NRXN1: variants seen among roughly 807,000 people sequenced by gnomAD.
NRXN1 encodes the protein neurexin-1.
A neutral mutation model predicts 150.9 loss-of-function variants in NRXN1; 39 were observed. That is an observed-to-expected ratio of 0.26 (90% CI 0.20 to 0.34). The LOEUF is 0.34. NRXN1 is among the 10% of genes least tolerant of loss of function. The probability of loss-of-function intolerance (pLI) is 1.00; values close to 1 mark genes in which losing one functional copy is unlikely to be tolerated. For missense variants in NRXN1, 1,815 were observed against 1,949.9 expected, an observed-to-expected ratio of 0.93 and a Z score of 1.30; for synonymous variants, 924 against 757.0, an observed-to-expected ratio of 1.22 and a Z score of -3.62.
chr2:50,604,052 C>T (rs1676706783), intron 8 of NRXN1, among the ~76,000 whole-genome samples: 1 of 151,556 alleles, frequency 6.6e-6, no homozygotes, highest in Non-Finnish European at 1.5e-5. Flanking sequence ...TGTAAAAAGT[C>T]ACCTTAATTC....
At chr2:50,388,949 G>C (rs1470948147) in intron 17 of NRXN1, among the ~76,000 whole-genome samples, 1 of 152,026 alleles carries the variant, frequency 6.6e-6, no homozygotes, top group African/African-American at 2.4e-5. Context: ...AACACATCTT[G>C]TGGCGTTAGC....
intron 17 of NRXN1, among the ~76,000 whole-genome samples, chr2:50,387,547 A>AT (rs2103764520): frequency 6.6e-6 from 1 of 152,206 alleles, no homozygotes; most frequent in African/African-American, 2.4e-5. Flanking sequence ...TAACCTTTAC[A>AT]TTTTTTATTT....
At chr2:50,332,684 T>C (rs994790711) in intron 17 of NRXN1, among the ~76,000 whole-genome samples, 5 of 152,240 alleles carry the variant, frequency 3.3e-5, no homozygotes, top group African/African-American at 1.2e-4. Context: ...CATTTCAATT[T>C]TCCAATTGCT....
intron 19 of NRXN1, among the ~76,000 whole-genome samples, chr2:50,086,843 AGAGAGAGC>A (rs1191948653): frequency 6.7e-5 from 10 of 150,326 alleles, no homozygotes; most frequent in Non-Finnish European, 1.0e-4. Context: ...AGAGAGAGAG[AGAGAGAGC>A]GAGCCGAAAA....
At chr2:50,179,468 A>G (rs2060562043) in intron 18 of NRXN1, among the ~76,000 whole-genome samples, 1 of 152,132 alleles carries the variant, frequency 6.6e-6, no homozygotes, top group Non-Finnish European at 1.5e-5. Flanking sequence ...CATGCAAACA[A>G]GCAAATTAGA....
In NRXN1 at chr2:51,027,999, C is replaced by A. The variant is rs1189619468; in HGVS notation, c.275G>T (p.Ser92Ile). The change falls in exon 2 of 23, where the codon AGC (serine) becomes ATC (isoleucine). Residue 92 changes from serine to isoleucine, a missense_variant. By Grantham distance (142) the Ser-to-Ile change is moderately radical (BLOSUM62 -2). Transcript: ENST00000401669. Reference sequence around the variant, plus strand: ...AGGCTCAGCGCAGAAGATGGAGAAGCTGAGCTGCAGGCGGCCGCCGCGCGT... The same window carrying A: ...AGGCTCAGCGCAGAAGATGGAGAAGATGAGCTGCAGGCGGCCGCCGCGCGT... ...ILTRGGRLQLSFSIFCAEPAT... is the reference protein window; with the variant it reads ...ILTRGGRLQLIFSIFCAEPAT... 2 of 1,600,456 alleles carry A rather than the reference C, an allele frequency of 1.2e-6. No homozygotes were observed. The highest frequency in any genetic ancestry group is 2.2e-5 in the South Asian group (2 of 90,944).
intron 5 of NRXN1, among the ~76,000 whole-genome samples, chr2:50,686,428 C>T (rs951432160): frequency 8.5e-5 from 13 of 152,130 alleles, no homozygotes; most frequent in South Asian, 2.1e-4. Flanking sequence ...ATATTTTAGA[C>T]AGTTGAAAGG....
At chr2:50,942,473 A>C (rs1689610187) in intron 2 of NRXN1, among the ~76,000 whole-genome samples, 1 of 152,160 alleles carries the variant, frequency 6.6e-6, no homozygotes, top group African/African-American at 2.4e-5. Context: ...AAGCAGCCAC[A>C]GGATCCATAC....
In NRXN1 at chr2:50,332,212, A is replaced by G. The variant is rs146747757; in HGVS notation, c.3365-95242T>C. On this transcript the variant is annotated intron_variant, in intron 17 of 22. Transcript: ENST00000401669. ...TTGAAAATCATACCATGCTAACTGT[A>G]GCTAGCTTTAAAGTAAGTTCTGACT... 3.4e-3 allele frequency among the ~76,000 whole-genome samples: 523 copies of G among 152,302 alleles called. 2 individuals are homozygous for G. Among genetic ancestry groups the G allele is most frequent in the Middle Eastern group, 0.014 (4 of 294 alleles).
intron 19 of NRXN1, among the ~76,000 whole-genome samples, chr2:50,082,434 G>A (rs1698108450): frequency 6.6e-6 from 1 of 152,130 alleles, no homozygotes; most frequent in African/African-American, 2.4e-5. Context: ...GAAATTTTAT[G>A]AAATTTTATG....
At chr2:50,591,961 C>T (rs189442896) in intron 8 of NRXN1, among the ~76,000 whole-genome samples, 4 of 152,204 alleles carry the variant, frequency 2.6e-5, no homozygotes, top group African/African-American at 4.8e-5. Context: ...AAATTTCGAC[C>T]TTGGTTAAGC....
chr2:49,984,141 C>G (rs1011622034), intron 21 of NRXN1, among the ~76,000 whole-genome samples: 1 of 151,728 alleles, frequency 6.6e-6, no homozygotes, highest in South Asian at 2.1e-4. Flanking sequence ...CACTCCAGTG[C>G]GGTCAATAGA....
intron 5 of NRXN1, among the ~76,000 whole-genome samples, chr2:50,725,256 A>T (rs1164275148): frequency 6.6e-6 from 1 of 151,964 alleles, no homozygotes; most frequent in African/African-American, 2.4e-5. Context: ...TCAAAAATAA[A>T]GTTCTGTAAT....
intron 5 of NRXN1, among the ~76,000 whole-genome samples, chr2:50,674,620 G>C (rs1034552214): frequency 6.6e-6 from 1 of 152,086 alleles, no homozygotes; most frequent in African/African-American, 2.4e-5. Flanking sequence ...ACATAGAGAA[G>C]ACGGGTGACA....
At chr2:50,725,658 G>A (rs1278320425) in intron 5 of NRXN1, among the ~76,000 whole-genome samples, 1 of 152,032 alleles carries the variant, frequency 6.6e-6, no homozygotes. Flanking sequence ...TCTTACAACA[G>A]CCAATCTGAG....
chr2:50,101,716 A>G (rs1701001759), intron 18 of NRXN1, among the ~76,000 whole-genome samples: 1 of 152,062 alleles, frequency 6.6e-6, no homozygotes, highest in Non-Finnish European at 1.5e-5. Context: ...GCCATAAGCT[A>G]CATACAGTAA....
intron 18 of NRXN1, among the ~76,000 whole-genome samples, chr2:50,178,717 T>C (rs1319098062): frequency 2.6e-5 from 4 of 152,164 alleles, no homozygotes; most frequent in African/African-American, 7.2e-5. Context: ...ACACCTCATG[T>C]TACATATCAC....
intron 5 of NRXN1, among the ~76,000 whole-genome samples, chr2:50,654,868 T>C (rs987265718): frequency 6.6e-6 from 1 of 151,996 alleles, no homozygotes; most frequent in South Asian, 2.1e-4. Flanking sequence ...ATCTAATCAG[T>C]AGCCAATATA....
chr2:50,820,615 C>A (rs1336815964), intron 5 of NRXN1, among the ~76,000 whole-genome samples: 1 of 152,114 alleles, frequency 6.6e-6, no homozygotes, highest in Non-Finnish European at 1.5e-5. Context: ...TTGCCGTCTG[C>A]CTTTCATCCT....
Sources: gnomAD v4.1 joint callset for allele counts (sites outside exome capture counted in the v4.1 genomes callset) on GRCh38, gnomAD v4.1.1 for gene constraint, MANE v1.5 for transcripts, NCBI Gene and HGNC (gene_info 2026-07-23, HGNC 2026-07-21) for gene names.